The following ASCC3 variants were observed in gnomAD, a reference collection of about 807,000 sequenced individuals.
The protein encoded by ASCC3 is ASC-1 complex subunit P200.
Under a neutral mutation model 256.3 loss-of-function variants are expected in ASCC3, and 158 were observed. That is an observed-to-expected ratio of 0.62 (90% CI 0.54 to 0.70). The LOEUF (loss-of-function observed/expected upper bound fraction) is 0.70, where lower values mean the gene tolerates loss of function less well. Ranked by LOEUF, ASCC3 falls within the 30% of genes least tolerant of loss-of-function variation. The pLI, the probability that ASCC3 is intolerant of heterozygous loss-of-function variation, is 0.00. For missense variants in ASCC3, 2,259 were observed against 2,626.0 expected, an observed-to-expected ratio of 0.86 and a Z score of 3.05; for synonymous variants, 948 against 883.4, an observed-to-expected ratio of 1.07 and a Z score of -1.30.
At chr6:100,628,431 A>C (rs892285009) in intron 27 of ASCC3, among the ~76,000 whole-genome samples, 5 of 152,188 alleles carry the variant, frequency 3.3e-5, no homozygotes, top group Non-Finnish European at 7.4e-5. Context: ...TGTAATCTCC[A>C]ATGTTGAAGG....
In ASCC3 at chr6:100,554,611, G is replaced by A. The variant is rs143846582; in HGVS notation, c.5551-14224C>T. On this transcript the variant is annotated intron_variant, in intron 36 of 41. Transcript: ENST00000369162. ...TGATTAATTTGTAACATTCTGAGGC[G>A]TTAAAACAAACCAAAATTAGTTTCT... 2.7e-4 allele frequency among the ~76,000 whole-genome samples: 41 copies of A among 152,214 alleles called. 2 individuals carry two copies. In the East Asian group the frequency reaches 6.4e-3, roughly 24 times the overall value.
intron 1 of ASCC3, among the ~76,000 whole-genome samples, chr6:100,872,292 A>G (rs1000304996): frequency 6.6e-6 from 1 of 152,144 alleles, no homozygotes; most frequent in Non-Finnish European, 1.5e-5. Context: ...AAAAAGTAGA[A>G]AGCAAGACTT....
chr6:100,732,682 C>CTGGAAG (rs1779957556), intron 10 of ASCC3, among the ~76,000 whole-genome samples: 1 of 151,736 alleles, frequency 6.6e-6, no homozygotes, highest in African/African-American at 2.4e-5. Context: ...ACAAAGATAA[C>CTGGAAG]TAGAAGTTAT....
chr6:100,808,620 C>T (rs955321371), intron 4 of ASCC3, among the ~76,000 whole-genome samples: 1 of 151,734 alleles, frequency 6.6e-6, no homozygotes, highest in African/African-American at 2.4e-5. Context: ...AATAATGATA[C>T]TTTTCTTTCT....
chr6:100,543,262 T>C (rs942675445), intron 36 of ASCC3, among the ~76,000 whole-genome samples: 1 of 152,274 alleles, frequency 6.6e-6, no homozygotes, highest in East Asian at 1.9e-4. Context: ...TACTGTGTTG[T>C]TTGGGGAATA....
chr6:100,644,900 C>T (rs239242), intron 22 of ASCC3, among the ~76,000 whole-genome samples: 89,896 of 152,036 alleles, frequency 0.59, 27,069 homozygotes, highest in East Asian at 0.73. Context: ...TTGAGAAGTA[C>T]CCAAAAGTGT....
chr6:100,802,451 G>A (rs1035845669), intron 5 of ASCC3, among the ~76,000 whole-genome samples: 1 of 152,034 alleles, frequency 6.6e-6, no homozygotes, highest in African/African-American at 2.4e-5. Context: ...AGCTGCTAAT[G>A]CTTCATGTAC....
intron 1 of ASCC3, among the ~76,000 whole-genome samples, chr6:100,871,921 A>T (rs1381029399): frequency 6.6e-6 from 1 of 152,262 alleles, no homozygotes; most frequent in Non-Finnish European, 1.5e-5. Context: ...ATGTATGTAC[A>T]CTGTACATGT....
At chr6:100,742,347 C>T (rs1211171731) in intron 10 of ASCC3, among the ~76,000 whole-genome samples, 1 of 152,136 alleles carries the variant, frequency 6.6e-6, no homozygotes, top group Non-Finnish European at 1.5e-5. Context: ...TCAGGAGGAA[C>T]AGAATCTGGG....
chr6:100,802,820 G>A (rs1368193625), intron 5 of ASCC3, among the ~76,000 whole-genome samples: 1 of 151,686 alleles, frequency 6.6e-6, no homozygotes, highest in Non-Finnish European at 1.5e-5. Context: ...GGCAACATGG[G>A]GAGATCTCAT....
chr6:100,848,281 A>C lies in ASCC3; in HGVS notation c.668T>G (p.Leu223Trp), dbSNP rs928302965. The C allele has an allele frequency of 3.1e-6, 5 of 1,614,068 alleles. No homozygotes were observed. The highest frequency in any genetic ancestry group is 4.2e-6 in the Non-Finnish European group (5 of 1,180,008). Reference sequence around the variant, plus strand: ...TAGGTACTTTTCAACTTCACACCACAAAAAGGAGCCATTTGTTTTTTCCAC... The same window carrying C: ...TAGGTACTTTTCAACTTCACACCACCAAAAGGAGCCATTTGTTTTTTCCAC... The part of the protein sequence containing the change: ...KPVEKTNGSF[L>W]WCEVEKYLNS... Residue 223 changes from leucine to tryptophan, a missense_variant, in exon 4 of 42, where the codon TTG (leucine) becomes TGG (tryptophan). This residue lies in a region of ASCC3 where 420 missense variants were observed against 419.3 expected (regional missense o/e 1.00). Transcript: ENST00000369162.
At chr6:100,564,744 T>A (rs1461514964) in intron 36 of ASCC3, among the ~76,000 whole-genome samples, 1 of 152,060 alleles carries the variant, frequency 6.6e-6, no homozygotes, top group African/African-American at 2.4e-5. Context: ...TGTTTAAAAA[T>A]TATATGTAGA....
chr6:100,780,816 A>T (rs1307434639), intron 8 of ASCC3, among the ~76,000 whole-genome samples: 1 of 152,156 alleles, frequency 6.6e-6, no homozygotes, highest in Non-Finnish European at 1.5e-5. Context: ...TTCCAACCCA[A>T]GGTATAAAAC....
intron 13 of ASCC3, among the ~76,000 whole-genome samples, chr6:100,702,120 A>G (rs542156600): frequency 2.0e-5 from 3 of 152,304 alleles, no homozygotes; most frequent in South Asian, 4.1e-4. Context: ...TAAGAGGGAC[A>G]GAATGAAGGC....
intron 22 of ASCC3, among the ~76,000 whole-genome samples, chr6:100,644,695 TG>T (rs1775295848): frequency 6.6e-6 from 1 of 152,150 alleles, no homozygotes; most frequent in South Asian, 2.1e-4. Flanking sequence ...CCACATCCCC[TG>T]GGATAATTTT....
intron 30 of ASCC3, among the ~76,000 whole-genome samples, chr6:100,609,537 ATACT>A (rs1303523122): frequency 6.6e-6 from 1 of 152,042 alleles, no homozygotes; most frequent in Non-Finnish European, 1.5e-5. Flanking sequence ...AACATGGAAA[ATACT>A]TAAAGTAACA....
intron 8 of ASCC3, among the ~76,000 whole-genome samples, chr6:100,779,841 C>T (rs1782364825): frequency 6.6e-6 from 1 of 152,032 alleles, no homozygotes; most frequent in Non-Finnish European, 1.5e-5. Flanking sequence ...GAAATCAAGG[C>T]TTAGACCATA....
chr6:100,596,034 AATTC>A (rs1199411334), intron 34 of ASCC3, among the ~76,000 whole-genome samples: 2 of 152,068 alleles, frequency 1.3e-5, no homozygotes, highest in African/African-American at 4.8e-5. Flanking sequence ...CTTTGGTTTA[AATTC>A]ATTGTTTTAT....
chr6:100,724,148 C>CAAAAAAAAA (rs574759618), intron 11 of ASCC3, among the ~76,000 whole-genome samples: 1 of 126,358 alleles, frequency 7.9e-6, no homozygotes, highest in African/African-American at 3.0e-5. Flanking sequence ...TACAAAAAAA[C>CAAAAAAAAA]AAAAAAAAAA....
Sources: gnomAD v4.1 joint callset for allele counts (sites outside exome capture counted in the v4.1 genomes callset) on GRCh38, gnomAD v4.1.1 for gene constraint, gnomAD v4.1.1 regional missense constraint, MANE v1.5 for transcripts, NCBI Gene and HGNC (gene_info 2026-07-23, HGNC 2026-07-21) for gene names.